Variants in CHST11 observed in about 807,000 individuals in gnomAD.
The protein encoded by CHST11 is carbohydrate sulfotransferase 11.
In CHST11, 9 loss-of-function variants were observed where a neutral mutation model predicts 30.4. That is an observed-to-expected ratio of 0.30 (90% CI 0.18 to 0.52). CHST11 has a LOEUF of 0.52. Ranked by LOEUF, CHST11 falls within the 20% of genes least tolerant of loss-of-function variation. The pLI is 0.97. For missense variants in CHST11, 348 were observed against 460.6 expected (o/e 0.76, Z 2.24); for synonymous variants, 152 against 187.8 (o/e 0.81, Z 1.56).
At chr12:104,684,023 C>T (rs2039822312) in intron 2 of CHST11, among the ~76,000 whole-genome samples, 1 of 152,138 alleles carries the variant, frequency 6.6e-6, no homozygotes. Context: ...ACTGTAAGTG[C>T]ACACTGCTGG....
At chr12:104,684,706 C>T (rs1305440009) in intron 2 of CHST11, among the ~76,000 whole-genome samples, 1 of 152,124 alleles carries the variant, frequency 6.6e-6, no homozygotes, top group African/African-American at 2.4e-5. Context: ...CACTACCATG[C>T]CTGGCTAATT....
At chr12:104,604,858 CTTAG>C (rs1480452816) in intron 2 of CHST11, among the ~76,000 whole-genome samples, 1 of 152,126 alleles carries the variant, frequency 6.6e-6, no homozygotes, top group Non-Finnish European at 1.5e-5. Flanking sequence ...AAGATGTCAT[CTTAG>C]TTACTCTGTT....
intron 2 of CHST11, among the ~76,000 whole-genome samples, chr12:104,678,200 G>GT (rs1359186266): frequency 2.0e-5 from 3 of 152,122 alleles, no homozygotes; most frequent in African/African-American, 7.2e-5. Flanking sequence ...CTATCTTAGG[G>GT]CCCAATGGAG....
intron 1 of CHST11, among the ~76,000 whole-genome samples, chr12:104,535,858 A>G (rs1704927): frequency 0.61 from 93,475 of 152,058 alleles, 29,322 homozygotes; most frequent in East Asian, 0.97. Context: ...AGAGATCATA[A>G]CTCTGGATTC....
chr12:104,677,326 T>G (rs2039752075), intron 2 of CHST11, among the ~76,000 whole-genome samples: 1 of 152,118 alleles, frequency 6.6e-6, no homozygotes, highest in African/African-American at 2.4e-5. Context: ...CAAAACCTGG[T>G]TCTAACTAGC....
chr12:104,699,044 C>T (rs945074737), intron 2 of CHST11, among the ~76,000 whole-genome samples: 1 of 152,228 alleles, frequency 6.6e-6, no homozygotes, highest in Admixed American at 6.5e-5. Flanking sequence ...TGCATTTTCT[C>T]AGCTCACTGC....
chr12:104,566,572 A>G (rs1436992224), intron 1 of CHST11, among the ~76,000 whole-genome samples: 1 of 152,082 alleles, frequency 6.6e-6, no homozygotes, highest in Non-Finnish European at 1.5e-5. Flanking sequence ...GCTCTCAGGG[A>G]TTGTGAGGGT....
At chr12:104,691,608 C>A (rs2039897423) in intron 2 of CHST11, among the ~76,000 whole-genome samples, 1 of 151,886 alleles carries the variant, frequency 6.6e-6, no homozygotes, top group South Asian at 2.1e-4. Context: ...CTGCCTCAGC[C>A]TCCCAAGTAG....
rs770441229 is a variant in CHST11 at position 104,475,658 on chromosome 12, T to TTTTATATA, written c.118+18130_118+18131insTTATATAT. Among the ~76,000 whole-genome samples the TTTTATATA allele has an allele frequency of 4.9e-3, 167 of 34,150 alleles. 8 individuals carry two copies. In the East Asian group the frequency reaches 0.12, roughly 24 times the overall value. The allele number at this position is 34,150 out of a possible 152,430, so 22.4% of individuals were successfully genotyped here. A position where few individuals can be genotyped will look rare whatever the true frequency, so the allele number is the denominator to read the frequency against. ...TATGATGCCTCAGAGTAAAGCAGCA[T>TTTTATATA]TATATATATATATATATATATATAT... On this transcript the variant is annotated intron_variant, in intron 1 of 2. Transcript: ENST00000303694.
rs560605970 is a variant in CHST11 at position 104,549,778 on chromosome 12, G to A, written c.119-52128G>A. On this transcript the variant is annotated intron_variant, in intron 1 of 2. Transcript: ENST00000303694. ...AAAAATTAGTCAGGTGTGGTGGTGCGTGCCTGTAGTCCCAGCTACTCGGGA... is the reference window on the plus strand; with the variant it reads ...AAAAATTAGTCAGGTGTGGTGGTGCATGCCTGTAGTCCCAGCTACTCGGGA... Among the ~76,000 whole-genome samples the A allele has an allele frequency of 3.4e-4, 52 of 152,246 alleles. 2 individuals are homozygous for A. In the South Asian group the frequency reaches 7.7e-3, roughly 22 times the overall value.
intron 1 of CHST11, among the ~76,000 whole-genome samples, chr12:104,587,841 TTTTG>T (rs1191838375): frequency 1.6e-3 from 111 of 69,190 alleles, no homozygotes; most frequent in African/African-American, 3.7e-3. Context: ...GTTTTTTGTT[TTTTG>T]TTTTTTTTTT....
chr12:104,648,237 G>A (rs1292000634), intron 2 of CHST11, among the ~76,000 whole-genome samples: 1 of 152,166 alleles, frequency 6.6e-6, no homozygotes, highest in Non-Finnish European at 1.5e-5. Context: ...CACTCTCATA[G>A]GGCACGTACA....
chr12:104,571,593 G>C (rs533837498), intron 1 of CHST11, among the ~76,000 whole-genome samples: 54 of 152,312 alleles, frequency 3.5e-4, no homozygotes, highest in African/African-American at 1.3e-3. Flanking sequence ...TGGCTTGTGA[G>C]GATCACCACA....
chr12:104,557,778 C>T (rs12581154), intron 1 of CHST11, among the ~76,000 whole-genome samples: 2,457 of 152,180 alleles, frequency 0.016, 119 homozygotes, highest in East Asian at 0.15. Context: ...TCTCACTGAC[C>T]GCGGATTCTT....
rs192743529 is a variant in CHST11, at chr12:104,714,859, G to C, written c.205-42090G>C. Reference sequence around the variant, plus strand: ...GTTTCCTCATCTGTAAAATGAGAATGATAACAGTATCCTAGAGTACTCAGT... The same window carrying C: ...GTTTCCTCATCTGTAAAATGAGAATCATAACAGTATCCTAGAGTACTCAGT... On this transcript the variant is annotated intron_variant, in intron 2 of 2. Transcript: ENST00000303694. Among the ~76,000 whole-genome samples the C allele has an allele frequency of 5.9e-5, 9 of 152,300 alleles. No homozygotes were observed. In the East Asian group the frequency reaches 1.7e-3, roughly 29 times the overall value.
rs367579893 is a variant in CHST11, at chr12:104,481,780, T to TTTCC, written c.118+24273_118+24276dup. Among the ~76,000 whole-genome samples the TTTCC allele has an allele frequency of 1.2e-3, 175 of 150,808 alleles. 1 individual carries two copies. Among genetic ancestry groups the TTTCC allele is most frequent in the African/African-American group, 2.2e-3 (92 of 41,032 alleles). ...GTAAATAGGACTGTTTCCTTCCTTC[T>TTTCC]TTCCTTCCTTCCTTCCTTCCTTCCT... On this transcript the variant is annotated intron_variant, in intron 1 of 2. Transcript: ENST00000303694.
At chr12:104,526,924 G>T (rs547456711) in intron 1 of CHST11, among the ~76,000 whole-genome samples, 37 of 152,304 alleles carry the variant, frequency 2.4e-4, no homozygotes, top group African/African-American at 8.2e-4. Flanking sequence ...GGGTTGGCAA[G>T]GCCTCCGTGT....
intron 1 of CHST11, among the ~76,000 whole-genome samples, chr12:104,517,432 G>C (rs1479227790): frequency 2.0e-5 from 3 of 152,216 alleles, no homozygotes; most frequent in Admixed American, 2.0e-4. Flanking sequence ...GAACCAGGGG[G>C]TGGTGTAGGG....
Position 104,458,349 on chromosome 12 carries a change from T to C in CHST11, c.118+820T>C, listed in dbSNP as rs2037375285. Among the ~76,000 whole-genome samples, 2 of 152,194 alleles carry C rather than the reference T, an allele frequency of 1.3e-5. No individual in the cohort carries two copies. The highest frequency in any genetic ancestry group is 2.9e-5 in the Non-Finnish European group (2 of 68,026). The stretch of plus-strand genomic sequence containing the variant: ...CCGTTTGCATCCCCCACTTCTGGGA[T>C]CCGAGCAACGGGAATCCCCCGGGCG... On this transcript the variant is annotated intron_variant, in intron 1 of 2. Coordinates refer to ENST00000303694, the MANE Select transcript of CHST11 (RefSeq NM_018413.6). The surrounding 1 kb of genome is among the most constrained non-coding windows in gnomAD (Gnocchi z 5.7).
Sources: allele counts gnomAD v4.1 joint callset (sites outside exome capture counted in the v4.1 genomes callset), GRCh38; gene constraint gnomAD v4.1.1; non-coding constraint Gnocchi (gnomAD v3.1); transcripts MANE v1.5; gene names NCBI Gene and HGNC (gene_info 2026-07-23, HGNC 2026-07-21).